NUBP1: variants seen among roughly 807,000 people sequenced by gnomAD.
The protein encoded by NUBP1 is cytosolic Fe-S cluster assembly factor NUBP1.
In NUBP1, 46 loss-of-function variants were observed where a neutral mutation model predicts 41.8. That is an observed-to-expected ratio of 1.10 (90% confidence interval 0.87 to 1.41). The LOEUF is 1.41. NUBP1 is among the 40% of genes most tolerant of loss of function. The pLI is 0.00. For missense variants in NUBP1, 494 were observed against 414.0 expected (o/e 1.19, Z -1.68); for synonymous variants, 189 against 154.6 (o/e 1.22, Z -1.65).
At chr16:10,751,130 C>A (rs1596452323) in intron 3 of NUBP1, among the ~76,000 whole-genome samples, 1 of 152,136 alleles carries the variant, frequency 6.6e-6, no homozygotes, top group East Asian at 1.9e-4. Flanking sequence ...GCTGGATCTG[C>A]TTCTCATATC....
At chr16:10,758,131 G>A in intron 7 of NUBP1, 104 bp downstream of exon 7, 1 of 1,347,962 alleles carries the variant, frequency 7.4e-7, no homozygotes. Context: ...GCTCTTCCCA[G>A]TGTGTGTTCC....
At position 10,749,855 on chromosome 16, in the gene NUBP1, C is replaced by T. The variant is rs1445064207; in HGVS notation, c.258+2579C>T. Among the ~76,000 whole-genome samples, 1 of 152,236 alleles carries T rather than the reference C, an allele frequency of 6.6e-6. No individual in the cohort carries two copies. The highest frequency in any genetic ancestry group is 1.5e-5 in the Non-Finnish European group (1 of 68,042). On this transcript the variant is annotated intron_variant, in intron 3 of 10. Coordinates refer to ENST00000283027, the MANE Select transcript of NUBP1 (RefSeq NM_002484.4). This position sits in a 1 kb window ranked among gnomAD's most constrained non-coding sequence, Gnocchi z 4.1. ...ATCAAGAGAGAGCAGAATTAGAAAACACCCCTGACGAGTCACAGGCTGCCC... is the reference window on the plus strand; with the variant it reads ...ATCAAGAGAGAGCAGAATTAGAAAATACCCCTGACGAGTCACAGGCTGCCC...
At chr16:10,760,677 C>T (rs1900886806) in intron 7 of NUBP1, among the ~76,000 whole-genome samples, 1 of 152,146 alleles carries the variant, frequency 6.6e-6, no homozygotes, top group Non-Finnish European at 1.5e-5. Flanking sequence ...GTCAAGGCTG[C>T]AGTGAGCAAT....
rs777149995 is a variant in NUBP1, at chr16:10,749,120, G to GACACACACACACAGAC, written c.258+1849_258+1850insCACACACAGACACACA. On this transcript the variant is annotated intron_variant, in intron 3 of 10. Coordinates refer to ENST00000283027, the MANE Select transcript of NUBP1 (RefSeq NM_002484.4). This position sits in a 1 kb window ranked among gnomAD's most constrained non-coding sequence, Gnocchi z 4.1. ...AAAAAAGGATATAGATAGATACACAGACACATACACACACACACACACACA... is the reference window on the plus strand; with the variant it reads ...AAAAAAGGATATAGATAGATACACAGACACACACACACAGACACACATACACACACACACACACACA... Among the ~76,000 whole-genome samples the GACACACACACACAGAC allele has an allele frequency of 6.0e-4, 55 of 92,370 alleles. No individual in the cohort carries two copies. The highest frequency in any genetic ancestry group is 5.1e-3 in the Middle Eastern group (1 of 198). 60.6% of individuals were successfully genotyped at this position (92,370 alleles called of 152,430 possible). A position where few individuals can be genotyped will look rare whatever the true frequency, so the allele number is the denominator to read the frequency against.
intron 9 of NUBP1, among the ~76,000 whole-genome samples, chr16:10,763,098 T>A (rs2142776127): frequency 6.6e-6 from 1 of 152,070 alleles, no homozygotes; most frequent in African/African-American, 2.4e-5. Flanking sequence ...ACAAGTCACC[T>A]GGAGGAGGGT....
At position 10,756,746 on chromosome 16, in the gene NUBP1, T is replaced by C. The variant is rs1030601940; in HGVS notation, c.417T>C (p.Asp139=). The C allele has an allele frequency of 6.3e-7, 1 of 1,590,662 alleles. No individual in the cohort carries two copies. The highest frequency in any genetic ancestry group is 8.5e-7 in the Non-Finnish European group (1 of 1,171,280). The change falls in exon 6 of 11, where the codon GAT becomes GAC. Residue 139 remains aspartate (D), a synonymous_variant. Coordinates refer to ENST00000283027, the MANE Select transcript of NUBP1 (RefSeq NM_002484.4). ...TGGGCTTCCTGCTCAGCAGTCCTGA[T>C]GATGCTGTTATCTGGAGGGGACCCA... ...MSVGFLLSSP[D]DAVIWRGPKK...
At chr16:10,747,086 G>T (rs1212174833) in intron 2 of NUBP1, 57 bp from the exon 3 acceptor site, 14 of 1,601,942 alleles carry the variant, frequency 8.7e-6, no homozygotes, top group Non-Finnish European at 1.2e-5. Context: ...GACTGGAAGC[G>T]TGACATTCGA....
chr16:10,758,617 A>C (rs1040154060), intron 7 of NUBP1, among the ~76,000 whole-genome samples: 1 of 152,148 alleles, frequency 6.6e-6, no homozygotes, highest in African/African-American at 2.4e-5. Context: ...GAAACTAGGG[A>C]AACCACCAGT....
chr16:10,757,698 C>T lies in NUBP1; in HGVS notation c.452-175C>T, dbSNP rs115724994. ...TCTCCGTGAGCTGGGCACAGTGGCA[C>T]GCACTTATAGTCCTAGTTACTTGGG... On this transcript the variant is annotated intron_variant, in intron 6 of 10. Coordinates refer to ENST00000283027, the MANE Select transcript of NUBP1 (RefSeq NM_002484.4). The surrounding 1 kb of genome is among the most constrained non-coding windows in gnomAD (Gnocchi z 4.1). 3.4e-3 allele frequency among the ~76,000 whole-genome samples: 515 copies of T among 152,102 alleles called. 1 individual carries two copies. The highest frequency in any genetic ancestry group is 5.8e-3 in the Non-Finnish European group (397 of 68,010).
At chr16:10,754,515 T>C (rs1166117891) in intron 4 of NUBP1, among the ~76,000 whole-genome samples, 2 of 152,008 alleles carry the variant, frequency 1.3e-5, no homozygotes, top group Admixed American at 6.6e-5. Context: ...AGTGTTTGGA[T>C]TACAGGTGTG....
Position 10,757,984 on chromosome 16 carries a change from C to T in NUBP1, c.563C>T (p.Ala188Val), listed in dbSNP as rs1900676150. The change falls in exon 7 of 11, where the codon GCC becomes GTC. Residue 188 changes from alanine (A) to valine (V), a missense_variant. Transcript: ENST00000283027. This position sits in a 1 kb window ranked among gnomAD's most constrained non-coding sequence, Gnocchi z 4.1. Reference protein sequence around the residue: ...DEHLSVVRYLATAHIDGAVII... With the variant: ...DEHLSVVRYLVTAHIDGAVII... Reference sequence around the variant, plus strand: ...CACCTCTCGGTCGTCCGGTACCTGGCCACAGCACACATCGATGGAGCAGTG... The same window carrying T: ...CACCTCTCGGTCGTCCGGTACCTGGTCACAGCACACATCGATGGAGCAGTG... The T allele has an allele frequency of 6.2e-7, 1 of 1,614,106 alleles. No homozygotes were observed. Among genetic ancestry groups the T allele is most frequent in the African/African-American group, 1.3e-5 (1 of 75,042 alleles).
chr16:10,767,057 G>A lies in NUBP1; in HGVS notation c.821-892G>A. 2.5e-6 allele frequency: 1 copy of A among 398,734 alleles called. No individual in the cohort carries two copies. Among genetic ancestry groups the A allele is most frequent in the Non-Finnish European group, 4.4e-6 (1 of 226,130 alleles). 24.7% of individuals were successfully genotyped at this position (398,734 alleles called of 1,614,324 possible). On this transcript the variant is annotated intron_variant, in intron 9 of 10. Transcript: ENST00000283027. The surrounding 1 kb of genome is among the most constrained non-coding windows in gnomAD (Gnocchi z 4.6). ...GACACAGTAGTGAAGTTGAGGAAAT[G>A]ATGAGTGCTAGGTAGGAACCCCTCC...
rs58201009 is a variant in NUBP1 at position 10,749,126 on chromosome 16, TACACACACACACACACACAC to T, written c.258+1875_258+1894del. 4.1e-5 allele frequency among the ~76,000 whole-genome samples: 5 copies of T among 121,026 alleles called. No individual in the cohort carries two copies. Among genetic ancestry groups the T allele is most frequent in the Admixed American group, 7.8e-5 (1 of 12,756 alleles). 79.4% of individuals were successfully genotyped at this position (121,026 alleles called of 152,430 possible). On this transcript the variant is annotated intron_variant, in intron 3 of 10. Transcript: ENST00000283027. This position sits in a 1 kb window ranked among gnomAD's most constrained non-coding sequence, Gnocchi z 4.1. ...GGATATAGATAGATACACAGACACA[TACACACACACACACACACAC>T]ACACACACACACACACACACACACG...
intron 2 of NUBP1, among the ~76,000 whole-genome samples, chr16:10,746,373 G>T (rs1254675958): frequency 1.3e-5 from 2 of 152,196 alleles, no homozygotes; most frequent in Non-Finnish European, 2.9e-5. Flanking sequence ...GGGCTGTCCT[G>T]TGCATTGTAG....
rs761607498 is a variant in NUBP1 at position 10,759,680 on chromosome 16, G to T, written c.606+1653G>T. Among the ~76,000 whole-genome samples, 3 of 152,218 alleles carry T rather than the reference G, an allele frequency of 2.0e-5. No homozygotes were observed. Among genetic ancestry groups the T allele is most frequent in the Non-Finnish European group, 4.4e-5 (3 of 68,038 alleles). On this transcript the variant is annotated intron_variant, in intron 7 of 10. Transcript: ENST00000283027. This position sits in a 1 kb window ranked among gnomAD's most constrained non-coding sequence, Gnocchi z 4.7. ...AATCCCAGCTACTTGGGAGGCTGAG[G>T]TGGGAGAAGTGCTTGAATCCAGGAG...
At chr16:10,761,303 G>C in intron 7 of NUBP1, 61 bp from the exon 8 acceptor site, 1 of 1,483,070 alleles carries the variant, frequency 6.7e-7, no homozygotes, top group Non-Finnish European at 9.4e-7. Flanking sequence ...CCCCTCGGTT[G>C]CACAGACATT....
chr16:10,744,034 C>T lies in NUBP1; in HGVS notation c.93C>T (p.Cys31=). Residue 31 remains cysteine, a synonymous_variant, in exon 2 of 11, where the codon TGC becomes TGT. Transcript: ENST00000283027. ...SCQGCPNQRL[C]ASGAGATPDT... is the part of the protein sequence containing the mutation. Reference sequence around the variant, plus strand: ...AGGGATGCCCCAACCAGCGGCTGTGCGCTTCTGGAGCGGGGGCCACTCCGG... The same window carrying T: ...AGGGATGCCCCAACCAGCGGCTGTGTGCTTCTGGAGCGGGGGCCACTCCGG... 2 of 1,578,802 alleles carry T rather than the reference C, an allele frequency of 1.3e-6. No individual in the cohort carries two copies. The highest frequency in any genetic ancestry group is 2.3e-5 in the South Asian group (2 of 85,756).
At chr16:10,750,026 CAAAACAT>C (rs1215172325) in intron 3 of NUBP1, among the ~76,000 whole-genome samples, 1 of 152,034 alleles carries the variant, frequency 6.6e-6, no homozygotes, top group Non-Finnish European at 1.5e-5. Context: ...CCTGTCTCTA[CAAAACAT>C]AAAACATAAA....
chr16:10,756,497 C>T (rs1900563645), intron 5 of NUBP1, among the ~76,000 whole-genome samples, 193 bp from the exon 6 acceptor site: 1 of 151,730 alleles, frequency 6.6e-6, no homozygotes, highest in African/African-American at 2.4e-5. Context: ...TTTCAAATCC[C>T]CCAACATGGT....
Sources: gnomAD v4.1 joint callset for allele counts (sites outside exome capture counted in the v4.1 genomes callset) on GRCh38, gnomAD v4.1.1 for gene constraint, Gnocchi (gnomAD v3.1) non-coding constraint, MANE v1.5 for transcripts, NCBI Gene and HGNC (gene_info 2026-07-23, HGNC 2026-07-21) for gene names.